STT3B: variants seen among roughly 807,000 people sequenced by gnomAD.
STT3B encodes the protein STT3 oligosaccharyltransferase complex catalytic subunit B.
A neutral mutation model predicts 96.8 loss-of-function variants in STT3B; 29 were observed. That is an observed-to-expected ratio of 0.30 (90% CI 0.22 to 0.41). STT3B has a LOEUF of 0.41. Ranked by LOEUF, STT3B falls within the 10% of genes least tolerant of loss-of-function variation. The pLI is 1.00. For synonymous variants in STT3B, 367 were observed against 360.0 expected (o/e 1.02, Z -0.22); for missense variants, 640 against 1,022.3 (o/e 0.63, Z 5.10).
At position 31,622,081 on chromosome 3, in the gene STT3B, G is replaced by T. The variant is rs372199533; in HGVS notation, c.1328-16G>T. The T allele has an allele frequency of 1.4e-5, 22 of 1,608,046 alleles. No homozygotes were observed. Among genetic ancestry groups the T allele is most frequent in the Non-Finnish European group, 1.8e-5 (21 of 1,174,524 alleles). On this transcript the variant is annotated splice_polypyrimidine_tract_variant and intron_variant, in intron 9 of 15. Transcript: ENST00000295770. ...TTTTTCCCTCCAACATATTGTAAGAGAATTTGTCTTTGCAGTTGCTCTATA... is the reference window on the plus strand; with the variant it reads ...TTTTTCCCTCCAACATATTGTAAGATAATTTGTCTTTGCAGTTGCTCTATA...
chr3:31,584,916 A>G (rs748205533), intron 3 of STT3B, among the ~76,000 whole-genome samples: 4 of 152,086 alleles, frequency 2.6e-5, no homozygotes, highest in Non-Finnish European at 5.9e-5. Context: ...CATTATTACT[A>G]ATTGAAAGTG....
At chr3:31,614,907 G>C (rs1314013637) in intron 5 of STT3B, among the ~76,000 whole-genome samples, 198 bp from the exon 6 acceptor site, 1 of 151,884 alleles carries the variant, frequency 6.6e-6, no homozygotes, top group African/African-American at 2.4e-5. Flanking sequence ...ATAGTACTTA[G>C]TATTTTTGAA....
intron 1 of STT3B, among the ~76,000 whole-genome samples, chr3:31,570,703 A>G (rs866765241): frequency 2.0e-5 from 3 of 152,170 alleles, no homozygotes; most frequent in Admixed American, 1.3e-4. Context: ...AACTAATGCA[A>G]TAGGGAAGAG....
intron 5 of STT3B, among the ~76,000 whole-genome samples, chr3:31,610,037 A>G (rs1295903302): frequency 6.6e-6 from 1 of 152,200 alleles, no homozygotes; most frequent in Non-Finnish European, 1.5e-5. Context: ...AATGATTTTT[A>G]TCATTATGTA....
chr3:31,563,467 A>G (rs1031618505), intron 1 of STT3B, among the ~76,000 whole-genome samples: 1 of 152,262 alleles, frequency 6.6e-6, no homozygotes, highest in Non-Finnish European at 1.5e-5. Context: ...AAAAAGATCA[A>G]GATAATTTTA....
chr3:31,556,734 G>GTGA (rs905519579), intron 1 of STT3B, among the ~76,000 whole-genome samples: 2 of 151,990 alleles, frequency 1.3e-5, no homozygotes, highest in African/African-American at 2.4e-5. Context: ...GCTTATTAAT[G>GTGA]TGATGATGAT....
At chr3:31,596,075 A>G (rs138286368) in intron 3 of STT3B, among the ~76,000 whole-genome samples, 3 of 152,324 alleles carry the variant, frequency 2.0e-5, no homozygotes, top group East Asian at 3.9e-4. Flanking sequence ...TAGCCTAGCA[A>G]AGTTTTCTGT....
intron 9 of STT3B, among the ~76,000 whole-genome samples, 186 bp from the exon 10 acceptor site, chr3:31,621,911 A>T (rs144785787): frequency 6.6e-6 from 1 of 152,344 alleles, no homozygotes; most frequent in African/African-American, 2.4e-5. Context: ...TTATTTAGTG[A>T]ACACTAGTTA....
At chr3:31,615,311 C>A in intron 6 of STT3B, 108 bp downstream of exon 6, 2 of 744,994 alleles carry the variant, frequency 2.7e-6, no homozygotes, top group Non-Finnish European at 2.1e-6. Context: ...CAATGACAAC[C>A]AAAGTAATCT....
intron 5 of STT3B, among the ~76,000 whole-genome samples, chr3:31,606,353 C>T (rs1699054347): frequency 1.3e-5 from 2 of 152,202 alleles, no homozygotes; most frequent in South Asian, 4.1e-4. Flanking sequence ...GCAGCAGCCC[C>T]TCCCATCATA....
At chr3:31,542,806 C>T (rs1057041999) in intron 1 of STT3B, among the ~76,000 whole-genome samples, 1 of 152,084 alleles carries the variant, frequency 6.6e-6, no homozygotes, top group Non-Finnish European at 1.5e-5. Flanking sequence ...TGTGGTGGCT[C>T]ACGCCTGTAA....
At chr3:31,547,952 A>G (rs922672650) in intron 1 of STT3B, among the ~76,000 whole-genome samples, 2 of 152,310 alleles carry the variant, frequency 1.3e-5, no homozygotes, top group Non-Finnish European at 2.9e-5. Flanking sequence ...CTTGGATCTA[A>G]TATTCAAAGA....
chr3:31,575,047 T>A (rs1459985209), intron 1 of STT3B, among the ~76,000 whole-genome samples: 1 of 152,152 alleles, frequency 6.6e-6, no homozygotes, highest in African/African-American at 2.4e-5. Flanking sequence ...TCCTTTATCA[T>A]AAGTCTGTTT....
intron 3 of STT3B, among the ~76,000 whole-genome samples, chr3:31,596,115 A>T (rs1241285188): frequency 1.3e-5 from 2 of 152,148 alleles, no homozygotes; most frequent in African/African-American, 4.8e-5. Flanking sequence ...AATATGTTTC[A>T]TTTACTTTTC....
chr3:31,561,225 T>G (rs1697869828), intron 1 of STT3B, among the ~76,000 whole-genome samples: 1 of 151,990 alleles, frequency 6.6e-6, no homozygotes, highest in African/African-American at 2.4e-5. Flanking sequence ...ATAAATAATT[T>G]GAGTTCTTTT....
At chr3:31,585,943 T>C (rs1035357547) in intron 3 of STT3B, among the ~76,000 whole-genome samples, 3 of 152,114 alleles carry the variant, frequency 2.0e-5, no homozygotes, top group Non-Finnish European at 2.9e-5. Flanking sequence ...TTTGGACATA[T>C]ATTATTATTT....
At chr3:31,575,469 G>C (rs907575560) in intron 1 of STT3B, among the ~76,000 whole-genome samples, 6 of 147,196 alleles carry the variant, frequency 4.1e-5, no homozygotes, top group Non-Finnish European at 7.4e-5. Flanking sequence ...ATTTTTTTGG[G>C]GGGGGGATAT....
chr3:31,622,170 C>G lies in STT3B; in HGVS notation c.1401C>G (p.Val467=). The G allele has an allele frequency of 6.2e-7, 1 of 1,613,958 alleles. No homozygotes were observed. The highest frequency in any genetic ancestry group is 8.5e-7 in the Non-Finnish European group (1 of 1,179,944). ...MVRLMLTLTP[V]VCMLSAIAFS... is the part of the protein sequence containing the mutation. ...GACTGATGTTGACTTTGACTCCAGT[C>G]GTGTGTATGCTGTCTGCAATTGCCT... is the stretch of plus-strand genomic sequence containing the variant. The change falls in exon 10 of 16, where the codon GTC becomes GTG. Residue 467 remains valine, a synonymous_variant. Transcript: ENST00000295770.
At chr3:31,601,751 G>A (rs1301176599) in intron 5 of STT3B, among the ~76,000 whole-genome samples, 1 of 152,122 alleles carries the variant, frequency 6.6e-6, no homozygotes, top group African/African-American at 2.4e-5. Flanking sequence ...GTTATTAAAA[G>A]ATAAATTTTA....
Sources: gnomAD v4.1 joint callset for allele counts (sites outside exome capture counted in the v4.1 genomes callset) on GRCh38, gnomAD v4.1.1 for gene constraint, MANE v1.5 for transcripts, NCBI Gene and HGNC (gene_info 2026-07-23, HGNC 2026-07-21) for gene names.